Variants in TCF7L2 observed in about 807,000 individuals in gnomAD.
The protein encoded by TCF7L2 is transcription factor 7-like 2.
Under a neutral mutation model 77.9 loss-of-function variants are expected in TCF7L2, and 23 were observed. The observed-to-expected ratio is 0.30, with a 90% CI of 0.21 to 0.42. The LOEUF is 0.42. TCF7L2 is among the 10% of genes least tolerant of loss of function. The pLI, the probability that TCF7L2 is intolerant of heterozygous loss-of-function variation, is 1.00. For synonymous variants in TCF7L2, 413 were observed against 340.2 expected (o/e 1.21, Z -2.36); for missense variants, 654 against 793.1 (o/e 0.82, Z 2.11).
intron 5 of TCF7L2, among the ~76,000 whole-genome samples, chr10:113,067,354 A>G (rs1261685530): frequency 6.6e-6 from 1 of 152,210 alleles, no homozygotes; most frequent in Non-Finnish European, 1.5e-5. Context: ...TCAATTTTCA[A>G]ATGCTTGGAC....
chr10:113,073,129 T>TGTGTGTGTGTGTGTGTGTGTGAGA (rs56927661), intron 5 of TCF7L2, among the ~76,000 whole-genome samples: 13 of 123,582 alleles, frequency 1.1e-4, no homozygotes, highest in Admixed American at 5.0e-4. Context: ...TGTGTGTGTG[T>TGTGTGTGTGTGTGTGTGTGTGAGA]GAGAGAGAGA....
intron 11 of TCF7L2, among the ~76,000 whole-genome samples, chr10:113,157,413 C>T (rs1337526649): frequency 6.6e-6 from 1 of 152,204 alleles, no homozygotes; most frequent in African/African-American, 2.4e-5. Flanking sequence ...CCACTGCTCC[C>T]AGCCCACTCA....
chr10:112,951,662 C>G lies in TCF7L2; in HGVS notation c.381+55C>G, dbSNP rs1248383536. On this transcript the variant is annotated intron_variant, in intron 3 of 13. Coordinates refer to ENST00000627217, the MANE Select transcript of TCF7L2 (RefSeq NM_001146274.2). ...GCTGCCCGCCCGCCCGCGCCGCCCG[C>G]CGGGCCCCGCATGCGGCCCCTGCCC... The G allele has an allele frequency of 2.7e-3, 2,846 of 1,040,450 alleles. 9 individuals carry two copies. Among genetic ancestry groups the G allele is most frequent in the Non-Finnish European group, 3.1e-3 (2,663 of 859,442 alleles). The allele number at this position is 1,040,450 out of a possible 1,614,324, so 64.5% of individuals were successfully genotyped here.
rs982801293 is a variant in TCF7L2, at chr10:112,964,714, A to AATG, written c.450+115_450+117dup. ...CTCCGCCCCTTCCCCCAACTGAGAT[A>AATG]ATGATGATGATGATGATGATGATGA... On this transcript the variant is annotated intron_variant, in intron 4 of 13. Transcript: ENST00000627217. 1,665 of 949,946 alleles carry AATG rather than the reference A, an allele frequency of 1.8e-3. 4 individuals are homozygous for AATG. The highest frequency in any genetic ancestry group is 7.8e-3 in the East Asian group (259 of 33,334). 58.8% of individuals were successfully genotyped at this position (949,946 alleles called of 1,614,324 possible).
At chr10:113,044,298 C>T (rs1392239383) in intron 5 of TCF7L2, among the ~76,000 whole-genome samples, 2 of 152,224 alleles carry the variant, frequency 1.3e-5, no homozygotes, top group South Asian at 2.1e-4. Context: ...GCCGTCTACC[C>T]TGTGCATTTT....
intron 5 of TCF7L2, among the ~76,000 whole-genome samples, chr10:113,093,770 T>C (rs1254333012): frequency 6.6e-6 from 1 of 152,208 alleles, no homozygotes; most frequent in East Asian, 1.9e-4. Flanking sequence ...ACATGTTTAA[T>C]AGTGACAATA....
intron 4 of TCF7L2, among the ~76,000 whole-genome samples, chr10:112,976,579 G>C (rs2039465717): frequency 6.6e-6 from 1 of 152,088 alleles, no homozygotes; most frequent in Non-Finnish European, 1.5e-5. Flanking sequence ...TACAACTAGG[G>C]GTGTGAATGT....
intron 3 of TCF7L2, among the ~76,000 whole-genome samples, chr10:112,953,079 C>T (rs1209438864): frequency 1.3e-5 from 2 of 152,126 alleles, no homozygotes; most frequent in Non-Finnish European, 2.9e-5. Flanking sequence ...GCCATGGATT[C>T]GGTGCTAATG....
Position 113,165,306 on chromosome 10 carries a change from G to T in TCF7L2, c.1392-249G>T, listed in dbSNP as rs570193324. ...GGTGGGGCATGGGTGTTTAGTAGGG[G>T]TTGGGGGAAGCAAGTAGAGAGTTCA... is the stretch of plus-strand genomic sequence containing the variant. On this transcript the variant is annotated intron_variant, in intron 13 of 13. Transcript: ENST00000627217. Among the ~76,000 whole-genome samples the T allele has an allele frequency of 2.6e-4, 39 of 152,302 alleles. No individual in the cohort carries two copies. The South Asian group carries it at 8.1e-3, about 32-fold the overall frequency.
intron 4 of TCF7L2, among the ~76,000 whole-genome samples, chr10:112,995,095 G>A (rs995289720): frequency 3.3e-5 from 5 of 152,172 alleles, no homozygotes; most frequent in African/African-American, 1.2e-4. Context: ...GAGCGAAACT[G>A]TGTCTCAAAA....
intron 4 of TCF7L2, among the ~76,000 whole-genome samples, chr10:112,974,862 T>C (rs893741241): frequency 6.6e-6 from 1 of 152,230 alleles, no homozygotes; most frequent in Non-Finnish European, 1.5e-5. Context: ...CTAAATGGGT[T>C]GTGACCAACA....
At chr10:112,984,343 TAGCTGTTCAGTGGCCTTAG>T (rs2041079244) in intron 4 of TCF7L2, among the ~76,000 whole-genome samples, 2 of 152,166 alleles carry the variant, frequency 1.3e-5, no homozygotes, top group Admixed American at 6.5e-5. Flanking sequence ...CAGAACTCTA[TAGCTGTTCAGTGGCCTTAG>T]GCTGCGGAAG....
At chr10:112,954,325 A>T (rs1175839405) in intron 3 of TCF7L2, among the ~76,000 whole-genome samples, 1 of 152,238 alleles carries the variant, frequency 6.6e-6, no homozygotes, top group East Asian at 1.9e-4. Context: ...TCCTTTAAAA[A>T]GCAAACTCTC....
At chr10:112,979,141 G>C (rs1314526568) in intron 4 of TCF7L2, among the ~76,000 whole-genome samples, 1 of 152,070 alleles carries the variant, frequency 6.6e-6, no homozygotes, top group Non-Finnish European at 1.5e-5. Context: ...GAGTGGACTG[G>C]CCTTGGAGAC....
intron 5 of TCF7L2, chr10:113,126,035 A>G (rs1178733411): frequency 2.0e-5 from 3 of 152,066 alleles, no homozygotes; most frequent in Non-Finnish European, 2.9e-5. Flanking sequence ...TATGCTTAGA[A>G]GACGCGCAGC....
intron 5 of TCF7L2, among the ~76,000 whole-genome samples, chr10:113,088,983 T>C (rs969162868): frequency 6.6e-6 from 1 of 151,914 alleles, no homozygotes; most frequent in East Asian, 1.9e-4. Context: ...GCTGAAGTAT[T>C]AAGTGGAACC....
intron 4 of TCF7L2, among the ~76,000 whole-genome samples, chr10:112,978,305 G>A (rs2039813546): frequency 1.3e-5 from 2 of 152,134 alleles, no homozygotes; most frequent in Admixed American, 1.3e-4. Flanking sequence ...AGTGGGTGCT[G>A]AATGTATACT....
rs576580527 is a variant in TCF7L2 at position 113,164,885 on chromosome 10, G to A, written c.1392-670G>A. On this transcript the variant is annotated intron_variant, in intron 13 of 13. Coordinates refer to ENST00000627217, the MANE Select transcript of TCF7L2 (RefSeq NM_001146274.2). ...GGTGTGGTTCTTAACAGACAAGCCC[G>A]AAAGCTCTCTGGGCGCCAGCAGCCT... is the stretch of plus-strand genomic sequence containing the variant. Among the ~76,000 whole-genome samples, 131 of 152,140 alleles carry A rather than the reference G, an allele frequency of 8.6e-4. 3 individuals are homozygous for A. The highest frequency in any genetic ancestry group is 6.9e-3 in the South Asian group (33 of 4,806).
chr10:112,964,182 T>C (rs1277016475), intron 3 of TCF7L2, among the ~76,000 whole-genome samples: 5 of 152,174 alleles, frequency 3.3e-5, no homozygotes, highest in African/African-American at 1.2e-4. Flanking sequence ...ATGTTGCAAT[T>C]CTGATGACTT....
Sources: gnomAD v4.1 joint callset for allele counts (sites outside exome capture counted in the v4.1 genomes callset) on GRCh38, gnomAD v4.1.1 for gene constraint, MANE v1.5 for transcripts, NCBI Gene and HGNC (gene_info 2026-07-23, HGNC 2026-07-21) for gene names.